TNR: variants seen among roughly 807,000 people sequenced by gnomAD.
The protein encoded by TNR is tenascin R, also known as tenascin-R.
Under a neutral mutation model 150.4 loss-of-function variants are expected in TNR, and 45 were observed. The observed-to-expected ratio is 0.30, with a 90% CI of 0.24 to 0.38. The LOEUF is 0.38. TNR is among the 10% of genes least tolerant of loss of function. The pLI is 1.00. For missense variants in TNR, 1,544 were observed against 1,759.1 expected (o/e 0.88, Z 2.19); for synonymous variants, 687 against 678.4 (o/e 1.01, Z -0.20).
At chr1:175,586,631 T>G (rs1662586712) in intron 1 of TNR, among the ~76,000 whole-genome samples, 1 of 152,174 alleles carries the variant, frequency 6.6e-6, no homozygotes, top group African/African-American at 2.4e-5. Flanking sequence ...TTATCATTCC[T>G]TCCTAGCTGC....
chr1:175,563,382 C>G (rs2102212335), intron 1 of TNR, among the ~76,000 whole-genome samples: 1 of 152,324 alleles, frequency 6.6e-6, no homozygotes, highest in African/African-American at 2.4e-5. Flanking sequence ...CAACACTTAG[C>G]AAACTAGCAA....
At chr1:175,353,357 C>A (rs1013976278) in intron 18 of TNR, among the ~76,000 whole-genome samples, 8 of 152,188 alleles carry the variant, frequency 5.3e-5, no homozygotes, top group Non-Finnish European at 1.2e-4. Flanking sequence ...ACATGTAATG[C>A]AGTTAAACAG....
intron 2 of TNR, among the ~76,000 whole-genome samples, chr1:175,513,160 C>A (rs1255221326): frequency 1.3e-5 from 2 of 152,116 alleles, no homozygotes; most frequent in Non-Finnish European, 2.9e-5. Context: ...TAATGGGATT[C>A]CTGCTGTGTA....
intron 2 of TNR, among the ~76,000 whole-genome samples, chr1:175,482,522 G>A (rs918418360): frequency 6.6e-6 from 1 of 152,160 alleles, no homozygotes; most frequent in Non-Finnish European, 1.5e-5. Flanking sequence ...AAGCTCATAT[G>A]CTACCACAGG....
chr1:175,432,611 TCTTTC>T (rs1410359960), intron 2 of TNR, among the ~76,000 whole-genome samples: 1 of 152,202 alleles, frequency 6.6e-6, no homozygotes, highest in African/African-American at 2.4e-5. Context: ...CTCTGCTCCA[TCTTTC>T]CTTTCTTCTT....
chr1:175,369,178 A>G (rs1280338974), intron 9 of TNR, among the ~76,000 whole-genome samples: 1 of 152,182 alleles, frequency 6.6e-6, no homozygotes, highest in Non-Finnish European at 1.5e-5. Flanking sequence ...CTTGGGAGGA[A>G]GGTGGGATAA....
At chr1:175,584,757 C>G (rs113945537) in intron 1 of TNR, among the ~76,000 whole-genome samples, 22 of 152,222 alleles carry the variant, frequency 1.4e-4, no homozygotes, top group African/African-American at 5.1e-4. Flanking sequence ...ATAATAATAA[C>G]AGGAAGTTCT....
At chr1:175,685,621 G>A (rs143000540) in intron 1 of TNR, among the ~76,000 whole-genome samples, 12 of 152,142 alleles carry the variant, frequency 7.9e-5, no homozygotes, top group African/African-American at 2.7e-4. Flanking sequence ...TCAATTTGTC[G>A]CCTTTAAAGG....
intron 1 of TNR, among the ~76,000 whole-genome samples, chr1:175,555,915 C>T (rs1219836588): frequency 6.6e-6 from 1 of 152,174 alleles, no homozygotes; most frequent in African/African-American, 2.4e-5. Flanking sequence ...GCCAGCTTTA[C>T]ATGAATCTGT....
intron 1 of TNR, among the ~76,000 whole-genome samples, chr1:175,715,599 C>A (rs377345924): frequency 1.3e-5 from 2 of 152,168 alleles, no homozygotes; most frequent in African/African-American, 2.4e-5. Context: ...CAGGGAAACC[C>A]ACAGGGCTCC....
intron 1 of TNR, among the ~76,000 whole-genome samples, chr1:175,543,224 G>A (rs558881127): frequency 6.6e-6 from 1 of 152,142 alleles, no homozygotes; most frequent in African/African-American, 2.4e-5. Context: ...TCCCAGGGGG[G>A]AGCAGAAAAG....
chr1:175,698,016 C>A (rs1310694542), intron 1 of TNR, among the ~76,000 whole-genome samples: 1 of 152,220 alleles, frequency 6.6e-6, no homozygotes, highest in Non-Finnish European at 1.5e-5. Context: ...TAAAATATTT[C>A]CCCTGAGAAC....
intron 7 of TNR, among the ~76,000 whole-genome samples, chr1:175,386,768 T>C (rs761149635): frequency 6.6e-6 from 1 of 152,140 alleles, no homozygotes; most frequent in Non-Finnish European, 1.5e-5. Flanking sequence ...GAGGTCATCA[T>C]GAGTATTCAA....
chr1:175,377,351 G>A (rs1214874143), intron 9 of TNR, among the ~76,000 whole-genome samples: 1 of 151,946 alleles, frequency 6.6e-6, no homozygotes. Flanking sequence ...TCCTCCATCT[G>A]AACAGTTAGC....
chr1:175,522,692 G>C (rs2102171242), intron 2 of TNR, among the ~76,000 whole-genome samples: 1 of 152,286 alleles, frequency 6.6e-6, no homozygotes, highest in South Asian at 2.1e-4. Context: ...AGACAGAGAG[G>C]CTAACCTCAG....
intron 1 of TNR, among the ~76,000 whole-genome samples, chr1:175,637,726 C>T (rs1664531987): frequency 6.6e-6 from 1 of 152,102 alleles, no homozygotes; most frequent in African/African-American, 2.4e-5. Flanking sequence ...AGTGCGGCTC[C>T]AAGAAGAAAT....
rs564648760 is a variant in TNR, at chr1:175,441,927, A to G, written c.-63-35150T>C. Among the ~76,000 whole-genome samples, 11 of 152,356 alleles carry G rather than the reference A, an allele frequency of 7.2e-5. 1 individual carries two copies. In the South Asian group the frequency reaches 2.3e-3, roughly 32 times the overall value. ...GAAGAGGAGTGTGAATTACTAAAAAACAGAAATGAAAAGTTATGTAGAAGC... is the reference window on the plus strand; with the variant it reads ...GAAGAGGAGTGTGAATTACTAAAAAGCAGAAATGAAAAGTTATGTAGAAGC... On this transcript the variant is annotated intron_variant, in intron 2 of 22. Transcript: ENST00000367674.
At chr1:175,474,070 T>G (rs61233108) in intron 2 of TNR, among the ~76,000 whole-genome samples, 9,464 of 152,128 alleles carry the variant, frequency 0.062, 618 homozygotes, top group African/African-American at 0.16. Context: ...TATATTTCGA[T>G]TTAATACATG....
In TNR at chr1:175,662,745, G is replaced by C. The variant is rs141525065; in HGVS notation, c.-165+80481C>G. Among the ~76,000 whole-genome samples the C allele has an allele frequency of 1.4e-3, 216 of 152,296 alleles. 3 individuals carry two copies. The highest frequency in any genetic ancestry group is 5.0e-3 in the African/African-American group (208 of 41,550). ...GCAAGACATTCCACAGTCTGGGTGT[G>C]GGGGGCAGCGTAGGAAGAAGAGGCC... On this transcript the variant is annotated intron_variant, in intron 1 of 22. Coordinates refer to ENST00000367674, the MANE Select transcript of TNR (RefSeq NM_003285.3).
Sources: gnomAD v4.1 joint callset for allele counts (sites outside exome capture counted in the v4.1 genomes callset) on GRCh38, gnomAD v4.1.1 for gene constraint, MANE v1.5 for transcripts, NCBI Gene and HGNC (gene_info 2026-07-23, HGNC 2026-07-21) for gene names.